SPIDR: variants seen among roughly 807,000 people sequenced by gnomAD.
The protein encoded by SPIDR is DNA repair-scaffolding protein.
SPIDR carries 93 observed loss-of-function variants against 104.6 expected under a neutral mutation model. The ratio of observed to expected loss-of-function variants is 0.89; its 90% confidence interval spans 0.75 to 1.06. The LOEUF is 1.06. Among genes scored for constraint, SPIDR ranks in the 50% least tolerant of loss-of-function variants. The probability of loss-of-function intolerance (pLI) is 0.00; values close to 1 mark genes in which losing one functional copy is unlikely to be tolerated. For missense variants in SPIDR, 1,154 were observed against 1,111.2 expected, an observed-to-expected ratio of 1.04 and a Z score of -0.55; for synonymous variants, 431 against 416.9, an observed-to-expected ratio of 1.03 and a Z score of -0.41.
chr8:47,619,688 A>G (rs1030380306), intron 10 of SPIDR, among the ~76,000 whole-genome samples: 5 of 150,372 alleles, frequency 3.3e-5, no homozygotes, highest in Non-Finnish European at 2.9e-5. Flanking sequence ...CTGCAGCCTC[A>G]TCAACCTCCT....
intron 7 of SPIDR, among the ~76,000 whole-genome samples, chr8:47,421,474 GA>G (rs2154334672): frequency 6.6e-6 from 1 of 152,250 alleles, no homozygotes; most frequent in African/African-American, 2.4e-5. Flanking sequence ...GTCCTGAAAT[GA>G]CTTCTCTGCA....
At chr8:47,536,773 C>G (rs891385436) in intron 8 of SPIDR, among the ~76,000 whole-genome samples, 2 of 152,158 alleles carry the variant, frequency 1.3e-5, no homozygotes, top group African/African-American at 4.8e-5. Context: ...TTAAATTCTG[C>G]TCTGTGAAAG....
intron 8 of SPIDR, among the ~76,000 whole-genome samples, chr8:47,530,972 G>A (rs1306781319): frequency 2.0e-5 from 3 of 151,212 alleles, no homozygotes; most frequent in East Asian, 1.9e-4. Flanking sequence ...GTGCAGTGGC[G>A]CAGTCATGGC....
At chr8:47,589,584 A>G (rs2060745967) in intron 8 of SPIDR, among the ~76,000 whole-genome samples, 1 of 152,030 alleles carries the variant, frequency 6.6e-6, no homozygotes, top group South Asian at 2.1e-4. Context: ...TATTCAAATA[A>G]TCTGTTTCAT....
At chr8:47,486,113 T>A (rs1291468476) in intron 8 of SPIDR, among the ~76,000 whole-genome samples, 1 of 152,186 alleles carries the variant, frequency 6.6e-6, no homozygotes, top group African/African-American at 2.4e-5. Flanking sequence ...GAAAAAAGAT[T>A]AGACGAATGG....
At position 47,401,816 on chromosome 8, in the gene SPIDR, G is replaced by C. The variant is rs4389946; in HGVS notation, c.776+5190G>C. ...AAATATATGTGCACACAATACAAGAGCACCCAGATTCATAAAGCAAGTCCT... is the reference window on the plus strand; with the variant it reads ...AAATATATGTGCACACAATACAAGACCACCCAGATTCATAAAGCAAGTCCT... On this transcript the variant is annotated intron_variant, in intron 6 of 19. Transcript: ENST00000297423. Among the ~76,000 whole-genome samples the C allele has an allele frequency of 4.9e-3, 745 of 152,272 alleles. 16 individuals are homozygous for C. Among genetic ancestry groups the C allele is most frequent in the Admixed American group, 0.035 (538 of 15,292 alleles).
intron 10 of SPIDR, among the ~76,000 whole-genome samples, chr8:47,609,505 G>A (rs1046535755): frequency 6.6e-6 from 1 of 152,124 alleles, no homozygotes; most frequent in African/African-American, 2.4e-5. Context: ...TTATTTAAAT[G>A]TATATCTTAT....
In SPIDR at chr8:47,342,997, A is replaced by G. The variant is rs78251684; in HGVS notation, c.525+48967A>G. Among the ~76,000 whole-genome samples, 3 of 152,308 alleles carry G rather than the reference A, an allele frequency of 2.0e-5. No individual in the cohort carries two copies. In the East Asian group the frequency reaches 5.8e-4, roughly 29 times the overall value. ...ATTATCTAGCTGTTCTAACTTTATT[A>G]TACTAGTAAATTAATATTGTGTTTA... On this transcript the variant is annotated intron_variant, in intron 5 of 19. Transcript: ENST00000297423.
chr8:47,621,434 G>A (rs1244156133), intron 10 of SPIDR, among the ~76,000 whole-genome samples: 2 of 152,212 alleles, frequency 1.3e-5, no homozygotes, highest in African/African-American at 4.8e-5. Flanking sequence ...TGCCTCGTCT[G>A]TAGATTGTAG....
chr8:47,390,839 A>G, intron 5 of SPIDR, among the ~76,000 whole-genome samples: 1 of 152,178 alleles, frequency 6.6e-6, no homozygotes, highest in East Asian at 1.9e-4. Context: ...GTGATCAAAA[A>G]CAAATCTGTC....
chr8:47,660,932 G>A (rs1037475085), intron 10 of SPIDR: 28 of 985,270 alleles, frequency 2.8e-5, no homozygotes, highest in Non-Finnish European at 3.1e-5. Context: ...AGGAAACCAA[G>A]ATTTTGAGCA....
At position 47,261,003 on chromosome 8, in the gene SPIDR, G is replaced by A; in HGVS notation, c.33+12G>A. On this transcript the variant is annotated intron_variant, in intron 1 of 19. Coordinates refer to ENST00000297423, the MANE Select transcript of SPIDR (RefSeq NM_001080394.4). ...CTCGGGGCTCTAAGGTAGGCTCTGG[G>A]GCGGGAGTGGGCGCCGCGCCGTTTC... is the stretch of plus-strand genomic sequence containing the variant. The A allele has an allele frequency of 8.1e-7, 1 of 1,228,006 alleles. No individual in the cohort carries two copies. Among genetic ancestry groups the A allele is most frequent in the Non-Finnish European group, 1.0e-6 (1 of 985,344 alleles). 76.1% of individuals were successfully genotyped at this position (1,228,006 alleles called of 1,614,324 possible).
At chr8:47,602,107 A>G (rs1313384288) in intron 10 of SPIDR, among the ~76,000 whole-genome samples, 1 of 152,234 alleles carries the variant, frequency 6.6e-6, no homozygotes, top group Non-Finnish European at 1.5e-5. Context: ...TTTTTTATAC[A>G]TGTACATGTA....
intron 16 of SPIDR, among the ~76,000 whole-genome samples, chr8:47,719,756 C>T (rs2083128629): frequency 6.6e-6 from 1 of 151,914 alleles, no homozygotes. Flanking sequence ...CCCACATCTC[C>T]CACACTGAAG....
At chr8:47,558,220 A>G (rs1363501354) in intron 8 of SPIDR, among the ~76,000 whole-genome samples, 1 of 152,166 alleles carries the variant, frequency 6.6e-6, no homozygotes, top group Non-Finnish European at 1.5e-5. Flanking sequence ...TGTTGAGGTG[A>G]CAGCATCAGT....
intron 8 of SPIDR, among the ~76,000 whole-genome samples, chr8:47,537,521 G>A (rs1215989060): frequency 1.3e-5 from 2 of 152,178 alleles, no homozygotes; most frequent in Non-Finnish European, 2.9e-5. Context: ...CAAAACTATG[G>A]AAATAGTAAA....
intron 5 of SPIDR, among the ~76,000 whole-genome samples, chr8:47,373,337 G>A (rs1439063210): frequency 6.6e-6 from 1 of 152,126 alleles, no homozygotes; most frequent in East Asian, 1.9e-4. Context: ...TCTGATCCAA[G>A]CAAAGTTTTA....
At chr8:47,490,108 A>C (rs2078420817) in intron 8 of SPIDR, among the ~76,000 whole-genome samples, 1 of 152,198 alleles carries the variant, frequency 6.6e-6, no homozygotes, top group Admixed American at 6.5e-5. Context: ...ACTCATCTGA[A>C]AAAGGGCTAA....
intron 3 of SPIDR, among the ~76,000 whole-genome samples, chr8:47,287,312 A>G (rs2039034224): frequency 6.6e-6 from 1 of 152,202 alleles, no homozygotes; most frequent in Non-Finnish European, 1.5e-5. Context: ...GGGCGAAATC[A>G]AAAACTCCTG....
Sources: gnomAD v4.1 joint callset for allele counts (sites outside exome capture counted in the v4.1 genomes callset) on GRCh38, gnomAD v4.1.1 for gene constraint, MANE v1.5 for transcripts, NCBI Gene and HGNC (gene_info 2026-07-23, HGNC 2026-07-21) for gene names.